Variants in JMJD1C observed in about 807,000 individuals in gnomAD.
JMJD1C encodes jumonji domain containing 1C.
Under a neutral mutation model 245.3 loss-of-function variants are expected in JMJD1C, and 31 were observed. The ratio of observed to expected loss-of-function variants is 0.13; its 90% CI spans 0.09 to 0.17. The LOEUF (loss-of-function observed/expected upper bound fraction) is 0.17, where lower values mean the gene tolerates loss of function less well. JMJD1C is among the 10% of genes least tolerant of loss of function. JMJD1C has a pLI of 1.00. For synonymous variants in JMJD1C, 1,057 were observed against 1,017.4 expected, an observed-to-expected ratio of 1.04 and a Z score of -0.74; for missense variants, 2,691 against 3,000.2, an observed-to-expected ratio of 0.90 and a Z score of 2.41.
chr10:63,342,270 G>A (rs557265306), intron 2 of JMJD1C, among the ~76,000 whole-genome samples: 1 of 152,296 alleles, frequency 6.6e-6, no homozygotes, highest in South Asian at 2.1e-4. Context: ...AGGAAAAAGT[G>A]CCTATGCATG....
chr10:63,264,447 ATAG>A (rs1396521875), intron 3 of JMJD1C, among the ~76,000 whole-genome samples: 1 of 152,164 alleles, frequency 6.6e-6, no homozygotes, highest in Non-Finnish European at 1.5e-5. Context: ...TGCCTGGCTC[ATAG>A]TAGGTTCTCA....
chr10:63,485,225 T>C lies in JMJD1C; in HGVS notation n.113+36513A>G, dbSNP rs183434856. ...GTGTTCATTGCTTTTTGTTTGTCTG[T>C]TTTTGAAATGAAACGCTACTAGAAA... On this transcript the variant is annotated intron_variant and non_coding_transcript_variant, in intron 1 of 3. Transcript: ENST00000633035. Among the ~76,000 whole-genome samples the C allele has an allele frequency of 2.9e-3, 441 of 152,248 alleles. 2 individuals carry two copies. Among genetic ancestry groups the C allele is most frequent in the Non-Finnish European group, 5.0e-3 (342 of 68,008 alleles).
chr10:63,371,556 G>A lies in JMJD1C; in HGVS notation c.333+8762C>T, dbSNP rs181915972. Reference sequence around the variant, plus strand: ...CAGCTCCCACCACAGTGTCTAATTCGTATGAGGTACGTGACAAACATTAGC... The same window carrying A: ...CAGCTCCCACCACAGTGTCTAATTCATATGAGGTACGTGACAAACATTAGC... On this transcript the variant is annotated intron_variant, in intron 2 of 25. Transcript: ENST00000399262. Among the ~76,000 whole-genome samples the A allele has an allele frequency of 1.0e-3, 156 of 151,992 alleles. 1 individual carries two copies. The highest frequency in any genetic ancestry group is 3.6e-3 in the African/African-American group (151 of 41,460).
chr10:63,452,428 G>A (rs997858006), intron 1 of JMJD1C, among the ~76,000 whole-genome samples: 4 of 152,178 alleles, frequency 2.6e-5, no homozygotes, highest in Non-Finnish European at 5.9e-5. Flanking sequence ...CAACACCCAG[G>A]AAATAGTAAG....
chr10:63,487,758 T>C (rs1954044146), intron 1 of JMJD1C, among the ~76,000 whole-genome samples: 1 of 152,190 alleles, frequency 6.6e-6, no homozygotes, highest in Non-Finnish European at 1.5e-5. Flanking sequence ...TGACATGTCA[T>C]CAATGAGTGA....
chr10:63,469,989 A>G (rs961149823), upstream of JMJD1C, among the ~76,000 whole-genome samples: 5 of 152,170 alleles, frequency 3.3e-5, no homozygotes, highest in African/African-American at 1.2e-4. Flanking sequence ...CACATTTATG[A>G]TAATGATAAA....
chr10:63,265,324 GAGGA>G (rs909265139), intron 2 of JMJD1C, among the ~76,000 whole-genome samples: 2 of 151,302 alleles, frequency 1.3e-5, no homozygotes, highest in African/African-American at 4.9e-5. Flanking sequence ...GAGAAGCATG[GAGGA>G]AGGGAGTAGA....
intron 2 of JMJD1C, among the ~76,000 whole-genome samples, chr10:63,274,957 A>C (rs1484032651): frequency 6.6e-6 from 1 of 152,082 alleles, no homozygotes; most frequent in African/African-American, 2.4e-5. Context: ...GCTACTTAGA[A>C]AGTGAGCTGA....
intron 2 of JMJD1C, among the ~76,000 whole-genome samples, chr10:63,346,344 T>A (rs1287930426): frequency 2.0e-5 from 3 of 152,254 alleles, no homozygotes; most frequent in Non-Finnish European, 4.4e-5. Context: ...CTAAAGCCTA[T>A]GAGTGACACT....
chr10:63,468,388 G>T (rs960175739), upstream of JMJD1C, among the ~76,000 whole-genome samples: 2 of 152,034 alleles, frequency 1.3e-5, no homozygotes, highest in African/African-American at 4.8e-5. Context: ...GCTTCGTTTT[G>T]TATTAAGGGG....
chr10:63,216,095 T>C (rs1321294829), intron 5 of JMJD1C, among the ~76,000 whole-genome samples: 1 of 152,196 alleles, frequency 6.6e-6, no homozygotes, highest in Admixed American at 6.5e-5. Context: ...TGCAAATGAA[T>C]AATTTTAAAA....
intron 1 of JMJD1C, among the ~76,000 whole-genome samples, chr10:63,444,924 AT>A (rs1377882298): frequency 6.6e-6 from 1 of 152,200 alleles, no homozygotes; most frequent in Admixed American, 6.5e-5. Flanking sequence ...AATGTTTAGT[AT>A]GACAGAAATA....
intron 1 of JMJD1C, among the ~76,000 whole-genome samples, chr10:63,436,257 C>A (rs988589864): frequency 1.3e-5 from 2 of 152,170 alleles, no homozygotes; most frequent in African/African-American, 2.4e-5. Context: ...CATAAATATT[C>A]AGTTGAATAC....
intron 2 of JMJD1C, among the ~76,000 whole-genome samples, chr10:63,319,183 G>A (rs1940509466): frequency 1.3e-5 from 2 of 150,572 alleles, no homozygotes; most frequent in South Asian, 2.1e-4. Flanking sequence ...CGTGAACCCC[G>A]GAGGCGGAGC....
At chr10:63,392,749 C>CG (rs1948152953) in intron 1 of JMJD1C, among the ~76,000 whole-genome samples, 1 of 143,278 alleles carries the variant, frequency 7.0e-6, no homozygotes, top group South Asian at 2.3e-4. Flanking sequence ...TGCTTGAACA[C>CG]GGGAGGCAGA....
At chr10:63,303,741 A>G (rs1860365875) in intron 2 of JMJD1C, among the ~76,000 whole-genome samples, 1 of 152,218 alleles carries the variant, frequency 6.6e-6, no homozygotes, top group Non-Finnish European at 1.5e-5. Context: ...TCTAAGATCA[A>G]TAGCATACAA....
chr10:63,346,103 T>C (rs1943795336), intron 2 of JMJD1C, among the ~76,000 whole-genome samples: 1 of 152,166 alleles, frequency 6.6e-6, no homozygotes, highest in Non-Finnish European at 1.5e-5. Context: ...AATGCAGTGG[T>C]GCAATTATAG....
chr10:63,221,241 AAAAT>A (rs1374358646), intron 3 of JMJD1C, among the ~76,000 whole-genome samples: 4 of 152,236 alleles, frequency 2.6e-5, no homozygotes, highest in African/African-American at 7.2e-5. Context: ...TGAAGTGTAA[AAAAT>A]AAAAAAGGAC....
intron 2 of JMJD1C, among the ~76,000 whole-genome samples, chr10:63,336,956 T>C (rs1448275272): frequency 1.3e-5 from 2 of 152,082 alleles, no homozygotes; most frequent in Admixed American, 6.5e-5. Context: ...TTCTCCTGCC[T>C]CAGCCTCCCA....
Sources: allele counts gnomAD v4.1 joint callset (sites outside exome capture counted in the v4.1 genomes callset), GRCh38; gene constraint gnomAD v4.1.1; transcripts MANE v1.5; gene names NCBI Gene and HGNC (gene_info 2026-07-23, HGNC 2026-07-21).